XYLT1: variants seen among roughly 807,000 people sequenced by gnomAD.
XYLT1 encodes beta-D-xylosyltransferase 1.
Under a neutral mutation model 91.3 loss-of-function variants are expected in XYLT1, and 36 were observed. That is an observed-to-expected ratio of 0.39 (90% CI 0.30 to 0.52). The LOEUF (loss-of-function observed/expected upper bound fraction) is 0.52. Ranked by LOEUF, XYLT1 falls within the 20% of genes least tolerant of loss-of-function variation. The pLI is 0.68. For missense variants in XYLT1, 1,242 were observed against 1,284.5 expected (o/e 0.97, Z 0.51); for synonymous variants, 588 against 532.0 (o/e 1.11, Z -1.45).
At chr16:17,460,814 AACAC>A (rs2036809914) in intron 1 of XYLT1, among the ~76,000 whole-genome samples, 1 of 152,192 alleles carries the variant, frequency 6.6e-6, no homozygotes, top group Non-Finnish European at 1.5e-5. Flanking sequence ...TATTTATTCT[AACAC>A]ACCGTGTGGA....
chr16:17,117,173 T>A (rs1468640778), intron 11 of XYLT1, among the ~76,000 whole-genome samples: 1 of 152,254 alleles, frequency 6.6e-6, no homozygotes, highest in East Asian at 1.9e-4. Context: ...CAACTTCTGA[T>A]GAATAGCATT....
At chr16:17,254,964 G>T (rs1226452601) in intron 3 of XYLT1, among the ~76,000 whole-genome samples, 1 of 151,394 alleles carries the variant, frequency 6.6e-6, no homozygotes, top group African/African-American at 2.4e-5. Flanking sequence ...CCGGCCCATG[G>T]CCTATTCTTT....
intron 1 of XYLT1, among the ~76,000 whole-genome samples, chr16:17,386,742 A>G (rs144010127): frequency 8.9e-4 from 136 of 152,322 alleles, no homozygotes; most frequent in Non-Finnish European, 1.8e-3. Context: ...TTATAAGAGC[A>G]CTGATAATTT....
At chr16:17,154,117 G>A (rs1002507497) in intron 6 of XYLT1, among the ~76,000 whole-genome samples, 1 of 152,182 alleles carries the variant, frequency 6.6e-6, no homozygotes, top group Non-Finnish European at 1.5e-5. Flanking sequence ...CGCCCAGCGT[G>A]GGGCCTTCCT....
intron 2 of XYLT1, among the ~76,000 whole-genome samples, chr16:17,335,805 T>A (rs1043418330): frequency 3.9e-5 from 6 of 152,200 alleles, no homozygotes; most frequent in Admixed American, 2.0e-4. Flanking sequence ...AGCTCATCTA[T>A]ATTTTTACTT....
At chr16:17,463,268 T>C (rs964612753) in intron 1 of XYLT1, among the ~76,000 whole-genome samples, 7 of 151,878 alleles carry the variant, frequency 4.6e-5, no homozygotes, top group Admixed American at 6.6e-5. Context: ...CGGCAAACAA[T>C]CAACAAATTA....
At chr16:17,184,412 G>A (rs1231594746) in intron 5 of XYLT1, among the ~76,000 whole-genome samples, 1 of 152,088 alleles carries the variant, frequency 6.6e-6, no homozygotes, top group Admixed American at 6.5e-5. Context: ...AGAGGACAGA[G>A]ACCACATTTA....
chr16:17,288,162 C>A (rs2034169129), intron 2 of XYLT1, among the ~76,000 whole-genome samples: 1 of 151,766 alleles, frequency 6.6e-6, no homozygotes, highest in African/African-American at 2.4e-5. Context: ...CTCCTGAGCT[C>A]AAGCCATCCT....
At position 17,102,804 on chromosome 16, in the gene XYLT1, A is replaced by G. The variant is rs1374389032; in HGVS notation, c.*5891T>C. The G allele has an allele frequency of 6.6e-6, 1 of 152,668 alleles. No individual in the cohort carries two copies. Among genetic ancestry groups the G allele is most frequent in the Non-Finnish European group, 1.5e-5 (1 of 68,038 alleles). 9.5% of individuals were successfully genotyped at this position (152,668 alleles called of 1,614,324 possible). ...AACACATTACAAAATATTTCTGTACAGTTTTATGCATATTATGATCTATAA... is the reference window on the plus strand; with the variant it reads ...AACACATTACAAAATATTTCTGTACGGTTTTATGCATATTATGATCTATAA... On this transcript the variant is annotated 3_prime_UTR_variant, in exon 12 of 12. Coordinates refer to ENST00000261381, the MANE Select transcript of XYLT1 (RefSeq NM_022166.4).
rs191247164 is a variant in XYLT1 at position 17,103,720 on chromosome 16, G to A, written c.*4975C>T. ...CAAGGTGCAGAACCCGCTTTCTGGT[G>A]GTATCTGTAGGCAGAGGCAGTTGGA... On this transcript the variant is annotated 3_prime_UTR_variant, in exon 12 of 12. Coordinates refer to ENST00000261381, the MANE Select transcript of XYLT1 (RefSeq NM_022166.4). 11 of 152,290 alleles carry A rather than the reference G, an allele frequency of 7.2e-5. No homozygotes were observed. Among genetic ancestry groups the A allele is most frequent in the Non-Finnish European group, 1.0e-4 (7 of 68,082 alleles). The allele number at this position is 152,290 out of a possible 1,614,324, so 9.4% of individuals were successfully genotyped here.
chr16:17,405,597 C>T (rs1004846654), intron 1 of XYLT1, among the ~76,000 whole-genome samples: 1 of 152,038 alleles, frequency 6.6e-6, no homozygotes, highest in Non-Finnish European at 1.5e-5. Flanking sequence ...TGTGGTCAGC[C>T]GAGCCAGTCT....
intron 2 of XYLT1, among the ~76,000 whole-genome samples, chr16:17,351,918 C>G (rs1355472412): frequency 6.6e-6 from 1 of 152,048 alleles, no homozygotes; most frequent in Non-Finnish European, 1.5e-5. Flanking sequence ...CTGAGGCGGG[C>G]GGACTGCTTG....
At chr16:17,185,641 C>T (rs8045085) in intron 5 of XYLT1, among the ~76,000 whole-genome samples, 88,220 of 151,722 alleles carry the variant, frequency 0.58, 27,432 homozygotes, top group African/African-American at 0.8. Flanking sequence ...TCTCTCTCTC[C>T]CTGGACCAGT....
intron 1 of XYLT1, among the ~76,000 whole-genome samples, chr16:17,463,189 C>A (rs1379242554): frequency 1.3e-5 from 2 of 152,058 alleles, no homozygotes; most frequent in African/African-American, 4.8e-5. Flanking sequence ...TTGGGTAAGA[C>A]CACAAAAGCA....
Position 17,455,907 on chromosome 16 carries a change from A to G in XYLT1, c.363+14527T>C, listed in dbSNP as rs1183335095. Among the ~76,000 whole-genome samples the G allele has an allele frequency of 2.6e-5, 4 of 152,242 alleles. No individual in the cohort carries two copies. The East Asian group carries it at 7.7e-4, about 29-fold the overall frequency. On this transcript the variant is annotated intron_variant, in intron 1 of 11. Coordinates refer to ENST00000261381, the MANE Select transcript of XYLT1 (RefSeq NM_022166.4). ...AGGAAAAAGGCCAGGTCTGGCTTCCATTTGATTTCCAGAGAATACGCAATT... is the reference window on the plus strand; with the variant it reads ...AGGAAAAAGGCCAGGTCTGGCTTCCGTTTGATTTCCAGAGAATACGCAATT...
At position 17,200,704 on chromosome 16, in the gene XYLT1, C is replaced by T. The variant is rs1052279306; in HGVS notation, c.914-50G>A. 4 of 1,590,948 alleles carry T rather than the reference C, an allele frequency of 2.5e-6. No individual in the cohort carries two copies. The African/African-American group carries it at 5.4e-5, about 21-fold the overall frequency. ...GAGGAGAAAGTGAGGCTCTGCCATC[C>T]TTTGCAGGGGTGGGAAGTTTCTCTG... On this transcript the variant is annotated intron_variant, in intron 3 of 11. Transcript: ENST00000261381.
At chr16:17,465,556 T>TGGGG (rs68156050) in intron 1 of XYLT1, among the ~76,000 whole-genome samples, 25 of 101,154 alleles carry the variant, frequency 2.5e-4, no homozygotes, top group Non-Finnish European at 4.7e-4. Flanking sequence ...TGTTTTTTTT[T>TGGGG]GGGGGGGGGG....
intron 3 of XYLT1, among the ~76,000 whole-genome samples, chr16:17,256,008 AAAAACAAAAC>A (rs766114820): frequency 2.6e-5 from 4 of 152,334 alleles, no homozygotes; most frequent in African/African-American, 9.6e-5. Context: ...ACTGTCTCAA[AAAAACAAAAC>A]AAAACAAAAC....
intron 1 of XYLT1, among the ~76,000 whole-genome samples, chr16:17,383,353 T>C (rs1463449547): frequency 6.6e-6 from 1 of 151,840 alleles, no homozygotes; most frequent in African/African-American, 2.4e-5. Flanking sequence ...CGAAGATAAG[T>C]AGACCACTCC....
Sources: allele counts gnomAD v4.1 joint callset (sites outside exome capture counted in the v4.1 genomes callset), GRCh38; gene constraint gnomAD v4.1.1; transcripts MANE v1.5; gene names NCBI Gene and HGNC (gene_info 2026-07-23, HGNC 2026-07-21).